PAPSS1: variants seen among roughly 807,000 people sequenced by gnomAD.
PAPSS1 encodes the protein 3'-phosphoadenosine 5'-phosphosulfate synthase 1, also known as bifunctional 3'-phosphoadenosine 5'-phosphosulfate synthase 1.
In PAPSS1, 50 loss-of-function variants were observed where a neutral mutation model predicts 72.0. That is an observed-to-expected ratio of 0.69 (90% CI 0.55 to 0.88). The LOEUF (loss-of-function observed/expected upper bound fraction) is 0.88, where lower values mean the gene tolerates loss of function less well. PAPSS1 is among the 40% of genes least tolerant of loss of function. The probability of loss-of-function intolerance (pLI) is 0.00; values close to 1 mark genes in which losing one functional copy is unlikely to be tolerated. For synonymous variants in PAPSS1, 261 were observed against 263.6 expected (o/e 0.99, Z 0.09); for missense variants, 657 against 782.2 (o/e 0.84, Z 1.91).
chr4:107,678,895 T>C lies in PAPSS1; in HGVS notation c.669+3120A>G, dbSNP rs140609897. On this transcript the variant is annotated intron_variant, in intron 5 of 11. Coordinates refer to ENST00000265174, the MANE Select transcript of PAPSS1 (RefSeq NM_005443.5). ...CCTCAAACCTTCCCAGGGTCCTCTG[T>C]TTCTGGGTGAGGGGTGGAAGCAAAT... 4.1e-3 allele frequency among the ~76,000 whole-genome samples: 627 copies of C among 152,188 alleles called. 8 individuals carry two copies. The highest frequency in any genetic ancestry group is 0.014 in the African/African-American group (587 of 41,526).
intron 4 of PAPSS1, among the ~76,000 whole-genome samples, chr4:107,686,627 G>A (rs891449233): frequency 6.6e-6 from 1 of 152,198 alleles, no homozygotes; most frequent in African/African-American, 2.4e-5. Flanking sequence ...TCGTAATAAA[G>A]TACAAGGCAT....
intron 9 of PAPSS1, among the ~76,000 whole-genome samples, chr4:107,649,976 G>A (rs1024277126): frequency 2.0e-5 from 3 of 152,208 alleles, no homozygotes; most frequent in African/African-American, 7.2e-5. Context: ...AATCACCGAT[G>A]TGTGTATTAA....
At chr4:107,659,831 T>C (rs1578404344) in intron 6 of PAPSS1, 128 bp downstream of exon 6, 2 of 536,130 alleles carry the variant, frequency 3.7e-6, no homozygotes, top group South Asian at 2.1e-5. Flanking sequence ...TTGTGACATA[T>C]ACCACAACAT....
chr4:107,702,023 G>C (rs1178838573), intron 1 of PAPSS1, among the ~76,000 whole-genome samples: 3 of 147,580 alleles, frequency 2.0e-5, no homozygotes, highest in Admixed American at 6.7e-5. Context: ...CAAAGTATCT[G>C]AACAGGCTTT....
At position 107,703,414 on chromosome 4, in the gene PAPSS1, C is replaced by CAA. The variant is rs35894658; in HGVS notation, c.61-2131_61-2130dup. Among the ~76,000 whole-genome samples, 672 of 144,548 alleles carry CAA rather than the reference C, an allele frequency of 4.6e-3. 1 individual carries two copies. The highest frequency in any genetic ancestry group is 0.039 in the Middle Eastern group (11 of 282). The allele number at this position is 144,548 out of a possible 152,430, so 94.8% of individuals were successfully genotyped here. ...TTGCTTGTACTTTTGGAGTCATATC[C>CAA]AAAAAAAAAAAAAATCACTGCCTAA... On this transcript the variant is annotated intron_variant, in intron 1 of 11. Transcript: ENST00000265174.
intron 2 of PAPSS1, among the ~76,000 whole-genome samples, chr4:107,700,048 A>T (rs1723168736): frequency 6.6e-6 from 1 of 152,216 alleles, no homozygotes; most frequent in African/African-American, 2.4e-5. Flanking sequence ...GTAACAATTT[A>T]ACTGTCTGGA....
At chr4:107,693,456 A>G (rs1722994047) in intron 3 of PAPSS1, among the ~76,000 whole-genome samples, 1 of 152,236 alleles carries the variant, frequency 6.6e-6, no homozygotes, top group South Asian at 2.1e-4. Context: ...ACATCTGTCA[A>G]GTATTCACTA....
At chr4:107,614,723 T>TCA (rs915746007) in intron 11 of PAPSS1, among the ~76,000 whole-genome samples, 9 of 152,184 alleles carry the variant, frequency 5.9e-5, no homozygotes, top group African/African-American at 2.2e-4. Flanking sequence ...TTATAGCATA[T>TCA]CACAGCCAGG....
intron 11 of PAPSS1, among the ~76,000 whole-genome samples, chr4:107,621,064 C>T (rs1395725736): frequency 2.0e-5 from 3 of 152,106 alleles, no homozygotes; most frequent in Admixed American, 6.5e-5. Context: ...AAAAACTATA[C>T]TCTGTGTTTT....
intron 5 of PAPSS1, 62 bp downstream of exon 5, chr4:107,681,953 G>T (rs1012520263): frequency 7.4e-6 from 6 of 810,168 alleles, no homozygotes; most frequent in Non-Finnish European, 1.2e-5. Context: ...TTTTTTGGAG[G>T]GGAAAGATTA....
chr4:107,696,181 A>G (rs1425621222), intron 2 of PAPSS1, among the ~76,000 whole-genome samples: 1 of 152,226 alleles, frequency 6.6e-6, no homozygotes, highest in Admixed American at 6.5e-5. Flanking sequence ...TCAAGGACCT[A>G]GTACCAGAAA....
chr4:107,703,635 T>C (rs1723263714), intron 1 of PAPSS1, among the ~76,000 whole-genome samples: 1 of 152,222 alleles, frequency 6.6e-6, no homozygotes, highest in South Asian at 2.1e-4. Context: ...TCATGTATTA[T>C]TGGCACCTTT....
chr4:107,636,191 C>T (rs1001081327), intron 10 of PAPSS1, among the ~76,000 whole-genome samples: 1 of 152,080 alleles, frequency 6.6e-6, no homozygotes, highest in Non-Finnish European at 1.5e-5. Context: ...GGATTCATTA[C>T]GGGTTGTCAA....
intron 1 of PAPSS1, among the ~76,000 whole-genome samples, chr4:107,719,565 C>T (rs1389363635): frequency 6.6e-6 from 1 of 152,210 alleles, no homozygotes; most frequent in Non-Finnish European, 1.5e-5. Flanking sequence ...TCAGGGCAGT[C>T]TCAACTCATG....
chr4:107,684,357 A>G (rs1387453912), intron 4 of PAPSS1, among the ~76,000 whole-genome samples: 1 of 152,234 alleles, frequency 6.6e-6, no homozygotes, highest in East Asian at 1.9e-4. Flanking sequence ...ATAACATTGC[A>G]AGACAAGAAG....
At chr4:107,631,595 T>C in intron 11 of PAPSS1, 36 bp downstream of exon 11, 1 of 1,447,732 alleles carries the variant, frequency 6.9e-7, no homozygotes, top group Non-Finnish European at 9.6e-7. Flanking sequence ...GACCACGAAG[T>C]ACTTCAAAGA....
At chr4:107,676,519 T>C (rs1319908867) in intron 5 of PAPSS1, among the ~76,000 whole-genome samples, 2 of 152,058 alleles carry the variant, frequency 1.3e-5, no homozygotes, top group East Asian at 3.9e-4. Context: ...AAACCACTGC[T>C]CAATGAAATA....
intron 2 of PAPSS1, among the ~76,000 whole-genome samples, chr4:107,698,943 G>A (rs904726891): frequency 2.0e-5 from 3 of 151,974 alleles, no homozygotes; most frequent in Non-Finnish European, 4.4e-5. Flanking sequence ...TGACCTGGGG[G>A]AAGGGAAATA....
chr4:107,648,166 G>C (rs2110314128), intron 9 of PAPSS1, among the ~76,000 whole-genome samples: 1 of 152,280 alleles, frequency 6.6e-6, no homozygotes, highest in East Asian at 1.9e-4. Flanking sequence ...AAGGAAACAA[G>C]TGAAGTCTGA....
Sources: allele counts gnomAD v4.1 joint callset (sites outside exome capture counted in the v4.1 genomes callset), GRCh38; gene constraint gnomAD v4.1.1; transcripts MANE v1.5; gene names NCBI Gene and HGNC (gene_info 2026-07-23, HGNC 2026-07-21).